SORBS2: variants seen among roughly 807,000 people sequenced by gnomAD.
The protein encoded by SORBS2 is sorbin and SH3 domain containing 2.
In SORBS2, 46 loss-of-function variants were observed where a neutral mutation model predicts 97.7. That is an observed-to-expected ratio of 0.47 (90% CI 0.37 to 0.60). The LOEUF (loss-of-function observed/expected upper bound fraction) is 0.60. SORBS2 is among the 20% of genes least tolerant of loss of function. The pLI, the probability that SORBS2 is intolerant of heterozygous loss-of-function variation, is 0.00. For synonymous variants in SORBS2, 476 were observed against 473.4 expected (o/e 1.01, Z -0.07); for missense variants, 1,316 against 1,282.3 (o/e 1.03, Z -0.40).
intron 4 of SORBS2, among the ~76,000 whole-genome samples, chr4:185,668,238 A>G (rs2097649878): frequency 6.6e-6 from 1 of 152,238 alleles, no homozygotes; most frequent in Non-Finnish European, 1.5e-5. Flanking sequence ...CACGGGTAAT[A>G]TGATCATTAG....
intron 1 of SORBS2, among the ~76,000 whole-genome samples, chr4:185,786,255 A>AT (rs2099055865): frequency 6.6e-6 from 1 of 152,236 alleles, no homozygotes; most frequent in African/African-American, 2.4e-5. Flanking sequence ...TATGATTGAC[A>AT]TAACAGTCTC....
chr4:185,886,554 CAAAAAAAAAA>C (rs1198439527), intron 1 of SORBS2, among the ~76,000 whole-genome samples: 1 of 72,912 alleles, frequency 1.4e-5, no homozygotes, highest in African/African-American at 6.1e-5. Context: ...GACTCTGTCT[CAAAAAAAAAA>C]AAAAAAAAAG....
chr4:185,804,589 C>T (rs1424235228), intron 1 of SORBS2, among the ~76,000 whole-genome samples: 1 of 152,148 alleles, frequency 6.6e-6, no homozygotes, highest in African/African-American at 2.4e-5. Context: ...AAAGTCCCTA[C>T]TTTTTAGTAT....
At chr4:185,670,126 G>C (rs537675582) in intron 4 of SORBS2, among the ~76,000 whole-genome samples, 1 of 152,178 alleles carries the variant, frequency 6.6e-6, no homozygotes, top group South Asian at 2.1e-4. Flanking sequence ...GGCTGAGGCA[G>C]GAGAATTGCT....
intron 2 of SORBS2, among the ~76,000 whole-genome samples, chr4:185,713,502 T>C (rs1044755345): frequency 2.6e-5 from 4 of 152,322 alleles, no homozygotes; most frequent in South Asian, 2.1e-4. Context: ...AATTTAATCA[T>C]GGGGTGGAAC....
At chr4:185,700,693 G>A (rs780986536) in intron 2 of SORBS2, among the ~76,000 whole-genome samples, 2 of 152,136 alleles carry the variant, frequency 1.3e-5, no homozygotes, top group Non-Finnish European at 2.9e-5. Context: ...CAGAAAGAAT[G>A]AAAACAAGTC....
At chr4:185,624,552 C>A in intron 6 of SORBS2, 58 bp from the exon 19 acceptor site, 1 of 1,516,188 alleles carries the variant, frequency 6.6e-7, no homozygotes, top group Non-Finnish European at 8.8e-7. Flanking sequence ...AAAAGGTTCA[C>A]AAAGAGAGGA....
intron 2 of SORBS2, among the ~76,000 whole-genome samples, chr4:185,708,272 A>G (rs2098376169): frequency 6.6e-6 from 1 of 152,236 alleles, no homozygotes; most frequent in South Asian, 2.1e-4. Flanking sequence ...CCTTAAGTTA[A>G]TATCTGTCAC....
intron 1 of SORBS2, among the ~76,000 whole-genome samples, chr4:185,804,324 G>A (rs909746388): frequency 6.6e-6 from 1 of 152,018 alleles, no homozygotes; most frequent in Admixed American, 6.6e-5. Flanking sequence ...GCCATCCTTC[G>A]TTCACTCTTG....
intron 2 of SORBS2, among the ~76,000 whole-genome samples, chr4:185,710,259 A>G (rs2098406501): frequency 6.6e-6 from 1 of 152,158 alleles, no homozygotes. Context: ...GAGATCTCAA[A>G]CCCTAAGGGA....
chr4:185,776,548 T>G (rs2099000474), intron 1 of SORBS2, among the ~76,000 whole-genome samples: 1 of 152,176 alleles, frequency 6.6e-6, no homozygotes, highest in South Asian at 2.1e-4. Context: ...AATGCTTAAG[T>G]AGTCAGAAAG....
At chr4:185,889,403 T>G (rs1475806771) in intron 1 of SORBS2, among the ~76,000 whole-genome samples, 2 of 152,156 alleles carry the variant, frequency 1.3e-5, no homozygotes, top group East Asian at 3.8e-4. Context: ...ATTCACGCAT[T>G]CTAAATCATT....
chr4:185,811,320 G>A (rs367781932), intron 1 of SORBS2, among the ~76,000 whole-genome samples: 33 of 152,328 alleles, frequency 2.2e-4, no homozygotes, highest in African/African-American at 7.5e-4. Flanking sequence ...AAGTCAAAGT[G>A]CAGGTCACGA....
At chr4:185,834,110 C>A (rs763853623) in intron 1 of SORBS2, among the ~76,000 whole-genome samples, 114 of 152,250 alleles carry the variant, frequency 7.5e-4, no homozygotes, top group Admixed American at 3.2e-3. Context: ...AATATATACA[C>A]CTGTATTAGT....
chr4:185,626,919 G>A (rs2096825230), exon 6 of SORBS2: 2 of 1,614,050 alleles, frequency 1.2e-6, no homozygotes, highest in African/African-American at 1.3e-5. Context: ...ACTCGGCCTG[G>A]GCTAGTCCTG....
chr4:185,868,379 A>T (rs2099228462), intron 1 of SORBS2, among the ~76,000 whole-genome samples: 1 of 151,386 alleles, frequency 6.6e-6, no homozygotes, highest in Non-Finnish European at 1.5e-5. Context: ...GATGGTCTCA[A>T]TCTCCTGATC....
chr4:185,744,518 T>C (rs571532725), intron 2 of SORBS2, among the ~76,000 whole-genome samples: 1 of 152,392 alleles, frequency 6.6e-6, no homozygotes, highest in South Asian at 2.1e-4. Context: ...TGATAAATTA[T>C]CATTGTTCAG....
At chr4:185,677,093 T>C (rs367628990) in intron 4 of SORBS2, 225 of 1,551,528 alleles carry the variant, frequency 1.5e-4, no homozygotes, top group Non-Finnish European at 1.7e-4. Flanking sequence ...AAAGCTCAGG[T>C]AGCTGTTTGT....
At chr4:185,756,102 T>C (rs1187270362) in intron 2 of SORBS2, among the ~76,000 whole-genome samples, 1 of 152,178 alleles carries the variant, frequency 6.6e-6, no homozygotes, top group East Asian at 1.9e-4. Flanking sequence ...GTTGGCAGCA[T>C]TGACATTAAA....
Sources: gnomAD v4.1 joint callset for allele counts (sites outside exome capture counted in the v4.1 genomes callset) on GRCh38, gnomAD v4.1.1 for gene constraint, MANE v1.5 for transcripts, NCBI Gene and HGNC (gene_info 2026-07-23, HGNC 2026-07-21) for gene names.